Variants in ZNF215 observed in about 807,000 individuals in gnomAD.
ZNF215 encodes the protein BWSCR2-associated zinc finger protein 2.
In ZNF215, 24 loss-of-function variants were observed where a neutral mutation model predicts 27.2. The ratio of observed to expected loss-of-function variants is 0.88; its 90% CI spans 0.64 to 1.24. The LOEUF (loss-of-function observed/expected upper bound fraction) is 1.24. Ranked by LOEUF, ZNF215 falls within the 50% of genes most tolerant of loss-of-function variation. The probability of loss-of-function intolerance (pLI) is 0.00; values close to 1 mark genes in which losing one functional copy is unlikely to be tolerated. For synonymous variants in ZNF215, 210 were observed against 204.0 expected (o/e 1.03, Z -0.25); for missense variants, 675 against 605.7 (o/e 1.11, Z -1.20).
intron 2 of ZNF215, among the ~76,000 whole-genome samples, chr11:6,929,168 C>T (rs1034735752): frequency 1.4e-4 from 22 of 152,286 alleles, no homozygotes; most frequent in African/African-American, 5.3e-4. Flanking sequence ...CAGAAGGCAC[C>T]TGCCTCTGTG....
At chr11:6,985,048 C>G (rs920547770), downstream of ZNF215, among the ~76,000 whole-genome samples, 10 of 152,060 alleles carry the variant, frequency 6.6e-5, no homozygotes, top group South Asian at 6.2e-4. Context: ...AACTCATTCT[C>G]TAAAGGCAGC....
chr11:6,941,852 A>G (rs1228720729), intron 4 of ZNF215, among the ~76,000 whole-genome samples, 199 bp downstream of exon 4: 2 of 152,218 alleles, frequency 1.3e-5, no homozygotes, highest in African/African-American at 4.8e-5. Flanking sequence ...CTGTTCCGTC[A>G]ATAATATAGT....
At position 6,966,156 on chromosome 11, in the gene ZNF215, A is replaced by G. The variant is rs925016430; in HGVS notation, c.805+10374A>G. 4.0e-5 allele frequency among the ~76,000 whole-genome samples: 6 copies of G among 151,890 alleles called. 1 individual carries two copies. Among genetic ancestry groups the G allele is most frequent in the Admixed American group, 2.0e-4 (3 of 15,246 alleles). ...AGCACTTGGTGTCTTTCAAGAATAT[A>G]CCATTAAATATTACACAGCCATAAA... is the stretch of plus-strand genomic sequence containing the variant. On this transcript the variant is annotated intron_variant, in intron 5 of 5. Transcript: ENST00000529903.
chr11:6,941,266 A>G (rs1220088496), intron 3 of ZNF215, among the ~76,000 whole-genome samples: 1 of 152,250 alleles, frequency 6.6e-6, no homozygotes, highest in Non-Finnish European at 1.5e-5. Context: ...TAGTTATGAC[A>G]GAATTAGTTA....
At chr11:6,936,466 C>T (rs1382970463) in intron 3 of ZNF215, among the ~76,000 whole-genome samples, 2 of 152,016 alleles carry the variant, frequency 1.3e-5, no homozygotes, top group East Asian at 3.8e-4. Flanking sequence ...GAACTCAACT[C>T]AGCAATAACA....
At chr11:6,960,994 C>T (rs142872813), downstream of ZNF215, among the ~76,000 whole-genome samples, 185 of 152,110 alleles carry the variant, frequency 1.2e-3, no homozygotes, top group African/African-American at 4.3e-3. Flanking sequence ...AGCCAACTTA[C>T]CAGAATAGGT....
downstream of ZNF215, among the ~76,000 whole-genome samples, chr11:6,961,347 G>T (rs1376948998): frequency 1.3e-5 from 2 of 152,204 alleles, no homozygotes; most frequent in East Asian, 3.9e-4. Context: ...AAGAGAATTG[G>T]TATCAGCTTG....
At chr11:6,958,961 T>C (rs1850459504), downstream of ZNF215, among the ~76,000 whole-genome samples, 1 of 152,178 alleles carries the variant, frequency 6.6e-6, no homozygotes, top group Admixed American at 6.5e-5. Context: ...TCCACCCAGA[T>C]TGAGGGTCGG....
downstream of ZNF215, among the ~76,000 whole-genome samples, chr11:6,960,728 A>G (rs1325014670): frequency 6.6e-6 from 1 of 152,208 alleles, no homozygotes; most frequent in Non-Finnish European, 1.5e-5. Context: ...CTGTGGAATT[A>G]AATGATTAAG....
At chr11:6,968,320 A>G (rs577534544) in intron 5 of ZNF215, among the ~76,000 whole-genome samples, 3 of 152,272 alleles carry the variant, frequency 2.0e-5, no homozygotes, top group Non-Finnish European at 4.4e-5. Context: ...AATTCTGTGA[A>G]GAAAGTCAGT....
intron 5 of ZNF215, among the ~76,000 whole-genome samples, chr11:6,980,977 T>A (rs1464704182): frequency 6.7e-6 from 1 of 150,044 alleles, no homozygotes; most frequent in Non-Finnish European, 1.5e-5. Context: ...CCATGGTGTA[T>A]ATGTGCCACA....
chr11:6,944,592 T>G (rs1849750413), intron 6 of ZNF215, among the ~76,000 whole-genome samples: 1 of 152,070 alleles, frequency 6.6e-6, no homozygotes. Context: ...GTTAATACTT[T>G]GTAAGAGAAA....
chr11:6,948,202 C>G (rs914599472), intron 6 of ZNF215, among the ~76,000 whole-genome samples: 6 of 152,166 alleles, frequency 3.9e-5, no homozygotes, highest in African/African-American at 1.4e-4. Flanking sequence ...TATTTGTGTT[C>G]TTCTCCCTTG....
downstream of ZNF215, among the ~76,000 whole-genome samples, chr11:6,987,566 CCACA>C (rs1042965968): frequency 1.3e-5 from 2 of 152,130 alleles, no homozygotes; most frequent in African/African-American, 4.8e-5. Context: ...AAAAAGAAAT[CCACA>C]CATAGGCATC....
downstream of ZNF215, among the ~76,000 whole-genome samples, chr11:6,959,476 T>C (rs1850470477): frequency 6.6e-6 from 1 of 152,186 alleles, no homozygotes; most frequent in South Asian, 2.1e-4. Context: ...AGTAACAAGA[T>C]AAAACTCCAA....
intron 3 of ZNF215, among the ~76,000 whole-genome samples, chr11:6,939,687 G>A (rs771080051): frequency 2.0e-5 from 3 of 152,082 alleles, no homozygotes; most frequent in Non-Finnish European, 4.4e-5. Context: ...TGAATGGAAT[G>A]AGGGTTTCAG....
chr11:6,945,590 A>G (rs1011441808), intron 6 of ZNF215, among the ~76,000 whole-genome samples: 1 of 152,150 alleles, frequency 6.6e-6, no homozygotes, highest in Non-Finnish European at 1.5e-5. Flanking sequence ...GACATTCCTT[A>G]TCTCACTTGA....
chr11:6,952,696 A>T (rs1850126755), intron 6 of ZNF215, among the ~76,000 whole-genome samples: 1 of 152,134 alleles, frequency 6.6e-6, no homozygotes, highest in South Asian at 2.1e-4. Context: ...CCAATTTGCC[A>T]GTCCGTGTCT....
rs1328050371 is a variant in ZNF215, at chr11:6,963,628, T to C, written c.805+7846T>C. On this transcript the variant is annotated intron_variant, in intron 5 of 5. Transcript: ENST00000529903. ...TAACAGTTTGTGTTAAGATATGTTT[T>C]CATTTATCTTGGTATATACCTAGGT... Among the ~76,000 whole-genome samples, 5 of 152,238 alleles carry C rather than the reference T, an allele frequency of 3.3e-5. No homozygotes were observed. In the South Asian group the frequency reaches 6.2e-4, roughly 19 times the overall value.
Sources: allele counts gnomAD v4.1 joint callset (sites outside exome capture counted in the v4.1 genomes callset), GRCh38; gene constraint gnomAD v4.1.1; transcripts MANE v1.5; gene names NCBI Gene and HGNC (gene_info 2026-07-23, HGNC 2026-07-21).